DCLK2: variants seen among roughly 807,000 people sequenced by gnomAD.
DCLK2 encodes the protein doublecortin like kinase 2.
In DCLK2, 31 loss-of-function variants were observed where a neutral mutation model predicts 78.4. That is an observed-to-expected ratio of 0.40 (90% CI 0.30 to 0.53). The LOEUF is 0.53. Among genes scored for constraint, DCLK2 ranks in the 20% least tolerant of loss-of-function variants. The pLI, the probability that DCLK2 is intolerant of heterozygous loss-of-function variation, is 0.61. For missense variants in DCLK2, 872 were observed against 973.7 expected (o/e 0.90, Z 1.39); for synonymous variants, 407 against 374.9 (o/e 1.09, Z -0.99).
chr4:150,141,540 T>C (rs559254964), intron 2 of DCLK2, among the ~76,000 whole-genome samples: 2 of 152,326 alleles, frequency 1.3e-5, no homozygotes, highest in African/African-American at 4.8e-5. Flanking sequence ...TTTCTGAGCA[T>C]TGGACTCTTA....
chr4:150,171,018 CTTAAT>C (rs1736489735), intron 2 of DCLK2, among the ~76,000 whole-genome samples: 1 of 152,176 alleles, frequency 6.6e-6, no homozygotes, highest in Non-Finnish European at 1.5e-5. Context: ...AGCATACATT[CTTAAT>C]TTATTTGGTC....
At chr4:150,183,159 G>A (rs1198017890) in intron 2 of DCLK2, among the ~76,000 whole-genome samples, 1 of 152,158 alleles carries the variant, frequency 6.6e-6, no homozygotes, top group Non-Finnish European at 1.5e-5. Flanking sequence ...TAGATAAGTA[G>A]ATGCCAGTTT....
Position 150,232,810 on chromosome 4 carries a change from C to T in DCLK2, c.1548C>T (p.Ile516=), listed in dbSNP as rs1742183171. Residue 516 remains isoleucine (I), a synonymous_variant, in exon 10 of 16, where the codon ATC becomes ATT. Coordinates refer to ENST00000296550, the MANE Select transcript of DCLK2 (RefSeq NM_001040260.4). ...LHGLSIVHRD[I]KPENLLVCEY... ...GCCTCAGCATCGTGCACAGAGACAT[C>T]AAACCAGAGAATCTCTTGGTATGTC... is the stretch of plus-strand genomic sequence containing the variant. 6.2e-7 allele frequency: 1 copy of T among 1,612,818 alleles called. No homozygotes were observed. The highest frequency in any genetic ancestry group is 1.1e-5 in the South Asian group (1 of 90,832).
chr4:150,238,324 T>A (rs1158836893), intron 10 of DCLK2, among the ~76,000 whole-genome samples: 1 of 152,216 alleles, frequency 6.6e-6, no homozygotes, highest in Non-Finnish European at 1.5e-5. Flanking sequence ...ATCATAGTCA[T>A]TGCCCTATTA....
intron 10 of DCLK2, among the ~76,000 whole-genome samples, chr4:150,236,907 C>T (rs1241232084): frequency 6.6e-6 from 1 of 152,166 alleles, no homozygotes; most frequent in East Asian, 1.9e-4. Context: ...TCTATATATG[C>T]TCCTGCATCT....
intron 1 of DCLK2, among the ~76,000 whole-genome samples, chr4:150,085,250 G>A (rs905749101): frequency 2.0e-5 from 3 of 152,122 alleles, no homozygotes; most frequent in Non-Finnish European, 4.4e-5. Context: ...TGGGGTCTTT[G>A]GGAGGTGTCT....
intron 12 of DCLK2, among the ~76,000 whole-genome samples, chr4:150,244,667 C>T (rs1743173289): frequency 6.6e-6 from 1 of 152,222 alleles, no homozygotes; most frequent in Admixed American, 6.5e-5. Context: ...ATACCGGATC[C>T]AGTGTGGATT....
chr4:150,134,791 AT>A (rs1733573471), intron 2 of DCLK2, among the ~76,000 whole-genome samples: 1 of 152,104 alleles, frequency 6.6e-6, no homozygotes, highest in Admixed American at 6.5e-5. Flanking sequence ...GTTTGTAGTT[AT>A]TCTTGCCATA....
intron 10 of DCLK2, among the ~76,000 whole-genome samples, chr4:150,233,297 A>G (rs1401529195): frequency 1.3e-5 from 2 of 152,224 alleles, no homozygotes; most frequent in Non-Finnish European, 2.9e-5. Context: ...ATCTGCTTCC[A>G]TAATCAAGTC....
chr4:150,156,670 A>C (rs1580613103), intron 2 of DCLK2, among the ~76,000 whole-genome samples: 2 of 151,888 alleles, frequency 1.3e-5, no homozygotes, highest in African/African-American at 4.8e-5. Context: ...GCTCTGACAC[A>C]CATGCACACA....
chr4:150,198,885 A>G (rs1580702683), intron 4 of DCLK2: 1 of 556,210 alleles, frequency 1.8e-6, no homozygotes, highest in South Asian at 2.8e-5. Context: ...CAGACATTCC[A>G]CTATTCGCCC....
chr4:150,157,167 GTT>G (rs34730849), intron 2 of DCLK2, among the ~76,000 whole-genome samples: 4,256 of 137,182 alleles, frequency 0.031, 164 homozygotes, highest in African/African-American at 0.1. Context: ...TTTCTCACCT[GTT>G]TTTTTTTTTT....
intron 1 of DCLK2, among the ~76,000 whole-genome samples, chr4:150,081,466 C>T (rs4356899): frequency 6.6e-6 from 1 of 151,976 alleles, no homozygotes; most frequent in Non-Finnish European, 1.5e-5. Context: ...TCTATGGAGT[C>T]CAAATCATAC....
chr4:150,217,042 A>G (rs1201008836), intron 5 of DCLK2, among the ~76,000 whole-genome samples: 1 of 152,206 alleles, frequency 6.6e-6, no homozygotes, highest in Non-Finnish European at 1.5e-5. Flanking sequence ...AGGAATGCTC[A>G]TTAGCATTTT....
intron 2 of DCLK2, among the ~76,000 whole-genome samples, chr4:150,106,559 C>T (rs1731270465): frequency 6.6e-6 from 1 of 152,166 alleles, no homozygotes; most frequent in Admixed American, 6.5e-5. Flanking sequence ...TGGTTGCTTC[C>T]TACCCAGATT....
chr4:150,256,201 C>T lies in DCLK2; in HGVS notation c.2255C>T (p.Ala752Val). ...ESPTPHPPPA[A>V]PGGERAGTWR... ...CCCACCCCCCACCCTCCTCCCGCTG[C>T]CCCGGGTGGTGAGCGGGCAGGAACC... Residue 752 changes from alanine to valine, a missense_variant, in exon 16 of 16, where the codon GCC (alanine) becomes GTC (valine). Ala to Val is a moderately conservative substitution (Grantham distance 64, BLOSUM62 0). Around this residue, in one of 3 missense-constraint regions of DCLK2, gnomAD observed 219 missense variants for 230.1 expected, o/e 0.95. Coordinates refer to ENST00000296550, the MANE Select transcript of DCLK2 (RefSeq NM_001040260.4). 2 of 1,534,322 alleles carry T rather than the reference C, an allele frequency of 1.3e-6. No individual in the cohort carries two copies. The highest frequency in any genetic ancestry group is 1.2e-5 in the South Asian group (1 of 83,706).
chr4:150,138,426 T>C (rs1393033913), intron 2 of DCLK2, among the ~76,000 whole-genome samples: 6 of 152,156 alleles, frequency 3.9e-5, no homozygotes, highest in Non-Finnish European at 8.8e-5. Context: ...CTGGCCAACA[T>C]GGTGAAACCC....
chr4:150,240,519 T>C, intron 12 of DCLK2, 43 bp downstream of exon 12: 1 of 1,569,210 alleles, frequency 6.4e-7, no homozygotes, highest in Non-Finnish European at 8.7e-7. Flanking sequence ...GCAAATGTTC[T>C]CCCTTGGGTC....
chr4:150,086,515 T>A lies in DCLK2; in HGVS notation c.421+7067T>A, dbSNP rs578054424. ...CAACCAGATTCTTTTTATTTTTTTT[T>A]TTTTTTTTTGAGACTGAGTCTCACT... is the stretch of plus-strand genomic sequence containing the variant. On this transcript the variant is annotated intron_variant, in intron 1 of 15. Coordinates refer to ENST00000296550, the MANE Select transcript of DCLK2 (RefSeq NM_001040260.4). Among the ~76,000 whole-genome samples the A allele has an allele frequency of 4.7e-3, 579 of 123,158 alleles. 6 individuals are homozygous for A. The highest frequency in any genetic ancestry group is 0.012 in the Middle Eastern group (3 of 248). 80.8% of individuals were successfully genotyped at this position (123,158 alleles called of 152,430 possible).
Sources: allele counts gnomAD v4.1 joint callset (sites outside exome capture counted in the v4.1 genomes callset), GRCh38; gene constraint gnomAD v4.1.1; regional missense constraint gnomAD v4.1.1; transcripts MANE v1.5; gene names NCBI Gene and HGNC (gene_info 2026-07-23, HGNC 2026-07-21).